SYT16: variants seen among roughly 807,000 people sequenced by gnomAD.
SYT16 encodes synaptotagmin-16.
In SYT16, 42 loss-of-function variants were observed where a neutral mutation model predicts 61.4. That is an observed-to-expected ratio of 0.68 (90% CI 0.53 to 0.89). The LOEUF is 0.89. Ranked by LOEUF, SYT16 falls within the 40% of genes least tolerant of loss-of-function variation. The probability of loss-of-function intolerance (pLI) is 0.00; values close to 1 mark genes in which losing one functional copy is unlikely to be tolerated. For missense variants in SYT16, 804 were observed against 807.3 expected (o/e 1.00, Z 0.05); for synonymous variants, 314 against 302.3 (o/e 1.04, Z -0.40).
intron 3 of SYT16, among the ~76,000 whole-genome samples, chr14:62,059,775 CAT>C (rs1468890390): frequency 1.7e-5 from 2 of 114,502 alleles, no homozygotes; most frequent in African/African-American, 1.3e-4. Flanking sequence ...TATGTATACA[CAT>C]ACACACACAC....
intron 3 of SYT16, among the ~76,000 whole-genome samples, chr14:62,047,593 A>G (rs2055051825): frequency 6.6e-6 from 1 of 152,166 alleles, no homozygotes; most frequent in Non-Finnish European, 1.5e-5. Flanking sequence ...TCCATTCAGT[A>G]TGATATTGGC....
intron 1 of SYT16, among the ~76,000 whole-genome samples, chr14:61,904,630 A>G (rs566681677): frequency 6.6e-6 from 1 of 152,290 alleles, no homozygotes; most frequent in South Asian, 2.1e-4. Flanking sequence ...AAATCTGTGT[A>G]TCTTTGAACA....
intron 3 of SYT16, among the ~76,000 whole-genome samples, chr14:62,043,407 C>CTTTTT (rs1203186408): frequency 2.9e-4 from 35 of 122,532 alleles, no homozygotes; most frequent in African/African-American, 5.2e-4. Context: ...ATTTTTCTTT[C>CTTTTT]TTTTTTTTTT....
At chr14:62,064,989 G>A (rs1304446785) in intron 3 of SYT16, among the ~76,000 whole-genome samples, 1 of 152,164 alleles carries the variant, frequency 6.6e-6, no homozygotes, top group Admixed American at 6.5e-5. Context: ...AGGTCCTTGG[G>A]GAGTGAGGCT....
At chr14:62,090,937 A>G (rs1167766793) in intron 7 of SYT16, among the ~76,000 whole-genome samples, 1 of 152,166 alleles carries the variant, frequency 6.6e-6, no homozygotes, top group Non-Finnish European at 1.5e-5. Context: ...ATCAGATCTC[A>G]TGAGATTTAT....
At chr14:61,820,469 G>GGTTTTTTTT (rs2045578027) in intron 1 of SYT16, among the ~76,000 whole-genome samples, 14 of 61,082 alleles carry the variant, frequency 2.3e-4, no homozygotes, top group African/African-American at 9.7e-4. Flanking sequence ...CCTCTTCAGA[G>GGTTTTTTTT]TTTTTTTTTT....
rs149702485 is a variant in SYT16 at position 61,859,961 on chromosome 14, T to C, written c.-325+47151T>C. On this transcript the variant is annotated intron_variant, in intron 1 of 7. Transcript: ENST00000683842. The stretch of plus-strand genomic sequence containing the variant: ...AAAGATGTGGATAAGGTCGGGGACA[T>C]ATAAAACAAGTCCCTAAATAGATGA... Among the ~76,000 whole-genome samples, 13 of 152,314 alleles carry C rather than the reference T, an allele frequency of 8.5e-5. No homozygotes were observed. The East Asian group carries it at 2.1e-3, about 25-fold the overall frequency.
chr14:62,088,921 T>C (rs2056976317), intron 7 of SYT16, among the ~76,000 whole-genome samples: 2 of 151,752 alleles, frequency 1.3e-5, no homozygotes, highest in Non-Finnish European at 2.9e-5. Context: ...AAATGAGTCT[T>C]AGCCATGCAT....
At chr14:62,082,805 G>A (rs541869541) in intron 6 of SYT16, among the ~76,000 whole-genome samples, 5 of 152,354 alleles carry the variant, frequency 3.3e-5, no homozygotes, top group South Asian at 2.1e-4. Flanking sequence ...CTGGTGGCAC[G>A]GAGTTGAATG....
At chr14:62,027,486 C>T (rs1311339651) in intron 3 of SYT16, among the ~76,000 whole-genome samples, 1 of 152,188 alleles carries the variant, frequency 6.6e-6, no homozygotes, top group Non-Finnish European at 1.5e-5. Context: ...AGTATTCTGA[C>T]AGGTTGTTAC....
Position 61,899,808 on chromosome 14 carries a change from T to G in SYT16, c.-324-70324T>G, listed in dbSNP as rs912344840. ...CTGATGTGAGGAGGTTCCTTTATTC[T>G]TAACATCAATGCTATGGTACCGATG... On this transcript the variant is annotated intron_variant, in intron 1 of 7. Coordinates refer to ENST00000683842, the MANE Select transcript of SYT16 (RefSeq NM_001367656.1). 1.6e-4 allele frequency among the ~76,000 whole-genome samples: 24 copies of G among 152,142 alleles called. 1 individual carries two copies. Among genetic ancestry groups the G allele is most frequent in the African/African-American group, 5.8e-4 (24 of 41,438 alleles).
At chr14:61,972,538 T>G (rs928048947) in intron 2 of SYT16, among the ~76,000 whole-genome samples, 2 of 152,212 alleles carry the variant, frequency 1.3e-5, no homozygotes, top group African/African-American at 4.8e-5. Flanking sequence ...CATCCCCAAA[T>G]TATAATGTCT....
chr14:62,005,961 A>C (rs946166139), intron 3 of SYT16, among the ~76,000 whole-genome samples: 15 of 152,174 alleles, frequency 9.9e-5, no homozygotes, highest in Admixed American at 2.6e-4. Flanking sequence ...ATTCACTCAC[A>C]GCTTTATAGA....
At chr14:62,045,194 G>C (rs2054919699) in intron 3 of SYT16, among the ~76,000 whole-genome samples, 1 of 151,958 alleles carries the variant, frequency 6.6e-6, no homozygotes, top group Admixed American at 6.6e-5. Context: ...ATGTAGTTTA[G>C]GATATTTGCT....
At chr14:61,915,619 A>G (rs567054684) in intron 1 of SYT16, among the ~76,000 whole-genome samples, 1 of 152,238 alleles carries the variant, frequency 6.6e-6, no homozygotes, top group African/African-American at 2.4e-5. Context: ...ATACCTTTTT[A>G]CTTCTCAACA....
intron 1 of SYT16, among the ~76,000 whole-genome samples, chr14:61,962,483 C>G (rs903666030): frequency 4.0e-5 from 6 of 151,856 alleles, no homozygotes; most frequent in African/African-American, 1.2e-4. Flanking sequence ...TAATGTGTCT[C>G]GGTATAGATC....
chr14:62,013,743 A>C (rs1179605866), intron 3 of SYT16, among the ~76,000 whole-genome samples: 1 of 152,168 alleles, frequency 6.6e-6, no homozygotes, highest in East Asian at 1.9e-4. Flanking sequence ...AGGCAGGCAG[A>C]TCATGAGGTC....
At chr14:61,835,575 T>A (rs1299755295) in intron 1 of SYT16, among the ~76,000 whole-genome samples, 4 of 151,996 alleles carry the variant, frequency 2.6e-5, no homozygotes, top group Non-Finnish European at 5.9e-5. Context: ...TTTTTTTTTT[T>A]ATGATTGATT....
At position 62,020,037 on chromosome 14, in the gene SYT16, G is replaced by A. The variant is rs144393500; in HGVS notation, c.523+23495G>A. Among the ~76,000 whole-genome samples, 1,136 of 152,236 alleles carry A rather than the reference G, an allele frequency of 7.5e-3. 7 individuals carry two copies. The highest frequency in any genetic ancestry group is 0.02 in the Middle Eastern group (6 of 294). On this transcript the variant is annotated intron_variant, in intron 3 of 7. Transcript: ENST00000683842. ...GTTTTTTTCTAACTTACTAGTTAGA[G>A]ATAGGTTTAAATTCATGAAGGAATT...
Sources: allele counts gnomAD v4.1 joint callset (sites outside exome capture counted in the v4.1 genomes callset), GRCh38; gene constraint gnomAD v4.1.1; transcripts MANE v1.5; gene names NCBI Gene and HGNC (gene_info 2026-07-23, HGNC 2026-07-21).